LIPC: variants seen among roughly 807,000 people sequenced by gnomAD.
LIPC encodes hepatic triacylglycerol lipase.
Under a neutral mutation model 50.7 loss-of-function variants are expected in LIPC, and 44 were observed. The observed-to-expected ratio is 0.87, with a 90% confidence interval of 0.68 to 1.11. The LOEUF (loss-of-function observed/expected upper bound fraction) is 1.11. LIPC is among the 50% of genes most tolerant of loss of function. The pLI, the probability that LIPC is intolerant of heterozygous loss-of-function variation, is 0.00. For missense variants in LIPC, 697 were observed against 648.2 expected, an observed-to-expected ratio of 1.08 and a Z score of -0.82; for synonymous variants, 271 against 256.4, an observed-to-expected ratio of 1.06 and a Z score of -0.54.
chr15:58,514,810 T>C (rs1892437193), intron 1 of LIPC, among the ~76,000 whole-genome samples: 1 of 152,114 alleles, frequency 6.6e-6, no homozygotes. Context: ...GACGACAGAG[T>C]GACACTCCAT....
At chr15:58,455,139 A>C (rs1894061970) in intron 1 of LIPC, among the ~76,000 whole-genome samples, 1 of 152,250 alleles carries the variant, frequency 6.6e-6, no homozygotes, top group African/African-American at 2.4e-5. Context: ...TTATACATGG[A>C]CATTGGCAAA....
intron 1 of LIPC, among the ~76,000 whole-genome samples, chr15:58,531,193 T>C (rs746080547): frequency 6.6e-6 from 1 of 152,232 alleles, no homozygotes; most frequent in Non-Finnish European, 1.5e-5. Flanking sequence ...TATTCCGTTG[T>C]GTTTTAAATT....
At chr15:58,545,559 C>A (rs1893492419) in intron 4 of LIPC, among the ~76,000 whole-genome samples, 183 bp from the exon 5 acceptor site, 1 of 152,214 alleles carries the variant, frequency 6.6e-6, no homozygotes, top group Non-Finnish European at 1.5e-5. Context: ...ATTGTTAGCA[C>A]CATGAACTAC....
chr15:58,504,703 T>C (rs1235559875), intron 1 of LIPC, among the ~76,000 whole-genome samples: 1 of 152,240 alleles, frequency 6.6e-6, no homozygotes. Context: ...AGGAAATTTC[T>C]ACCATTATTG....
chr15:58,557,628 G>GC (rs1417943551), intron 6 of LIPC, among the ~76,000 whole-genome samples: 3 of 151,802 alleles, frequency 2.0e-5, no homozygotes, highest in Non-Finnish European at 4.4e-5. Flanking sequence ...CTCGTGATCC[G>GC]CCCCCCTCAG....
chr15:58,507,918 G>A (rs1357865341), intron 1 of LIPC, among the ~76,000 whole-genome samples: 1 of 152,166 alleles, frequency 6.6e-6, no homozygotes, highest in Non-Finnish European at 1.5e-5. Flanking sequence ...GAGTGGACTT[G>A]GGGAACTTAC....
chr15:58,480,624 C>T (rs188182406), intron 1 of LIPC, among the ~76,000 whole-genome samples: 19 of 152,324 alleles, frequency 1.2e-4, no homozygotes, highest in African/African-American at 4.1e-4. Flanking sequence ...ACAAGCTTGT[C>T]CAACCTTCAG....
intron 1 of LIPC, among the ~76,000 whole-genome samples, chr15:58,445,014 GGGGGCCTGTGCTGAAAGGTGCA>G (rs1215926412): frequency 1.3e-5 from 2 of 152,250 alleles, no homozygotes; most frequent in Non-Finnish European, 2.9e-5. Context: ...GGCCCAGACA[GGGGGCCTGTGCTGAAAGGTGCA>G]GGAAGCAGCA....
intron 1 of LIPC, among the ~76,000 whole-genome samples, chr15:58,507,323 G>A (rs1892184391): frequency 1.3e-5 from 2 of 152,158 alleles, no homozygotes; most frequent in African/African-American, 2.4e-5. Flanking sequence ...AGAAAAAAAT[G>A]GAGGGAGAGG....
intron 1 of LIPC, among the ~76,000 whole-genome samples, chr15:58,445,509 C>A (rs1287248602): frequency 5.9e-5 from 9 of 152,182 alleles, no homozygotes; most frequent in Admixed American, 5.9e-4. Flanking sequence ...ATGGCTGGTG[C>A]CTGAGGACAG....
At chr15:58,474,610 A>T (rs2140753827) in intron 1 of LIPC, among the ~76,000 whole-genome samples, 1 of 152,160 alleles carries the variant, frequency 6.6e-6, no homozygotes, top group African/African-American at 2.4e-5. Flanking sequence ...GTAGAGGAGG[A>T]AACAAGGTCT....
chr15:58,565,915 A>C (rs558130915), intron 8 of LIPC: 38,099 of 469,522 alleles, frequency 0.081, 1 homozygote, highest in Non-Finnish European at 0.092. Context: ...GGAGAATACA[A>C]AAAAAAAAAA....
intron 3 of LIPC, 59 bp from the exon 4 acceptor site, chr15:58,542,475 G>T: frequency 1.7e-6 from 2 of 1,145,474 alleles, no homozygotes. Flanking sequence ...ACACTGGACC[G>T]CAAAAGGCTT....
intron 1 of LIPC, among the ~76,000 whole-genome samples, chr15:58,434,586 T>C (rs928929282): frequency 5.3e-5 from 8 of 152,246 alleles, no homozygotes; most frequent in African/African-American, 1.9e-4. Context: ...CAGAGGTTTC[T>C]AGAAAAACAT....
chr15:58,509,811 T>C (rs1393570858), intron 1 of LIPC, among the ~76,000 whole-genome samples: 1 of 152,176 alleles, frequency 6.6e-6, no homozygotes, highest in Non-Finnish European at 1.5e-5. Flanking sequence ...ACAAGTGTTA[T>C]ACAAAATTAC....
chr15:58,494,129 A>G (rs751721050), intron 1 of LIPC, among the ~76,000 whole-genome samples: 16 of 152,222 alleles, frequency 1.1e-4, no homozygotes, highest in Non-Finnish European at 2.1e-4. Flanking sequence ...CTCTCCCTAA[A>G]GCTGCTCACA....
chr15:58,494,871 A>G, intron 1 of LIPC: 1 of 456,180 alleles, frequency 2.2e-6, no homozygotes, highest in Non-Finnish European at 4.4e-6. Context: ...TTTCCTTAGC[A>G]ACCCTGGTTT....
intron 2 of LIPC, 116 bp downstream of exon 2, chr15:58,538,633 T>C (rs1893222676): frequency 9.9e-7 from 1 of 1,007,910 alleles, no homozygotes; most frequent in South Asian, 1.3e-5. Context: ...CCATGCATAA[T>C]GTTTATGAAG....
At chr15:58,493,398 T>A (rs1351406061) in intron 1 of LIPC, among the ~76,000 whole-genome samples, 1 of 151,884 alleles carries the variant, frequency 6.6e-6, no homozygotes, top group Non-Finnish European at 1.5e-5. Flanking sequence ...AAATAAAGAC[T>A]CCATATGTGC....
Sources: allele counts gnomAD v4.1 joint callset (sites outside exome capture counted in the v4.1 genomes callset), GRCh38; gene constraint gnomAD v4.1.1; transcripts MANE v1.5; gene names NCBI Gene and HGNC (gene_info 2026-07-23, HGNC 2026-07-21).